ATP7B: variants seen among roughly 807,000 people sequenced by gnomAD.
ATP7B encodes copper-transporting ATPase 2.
In ATP7B, 113 loss-of-function variants were observed where a neutral mutation model predicts 118.9. That is an observed-to-expected ratio of 0.95 (90% CI 0.82 to 1.11). The LOEUF is 1.11. Among genes scored for constraint, ATP7B ranks in the 50% most tolerant of loss-of-function variants. The pLI, the probability that ATP7B is intolerant of heterozygous loss-of-function variation, is 0.00. For missense variants in ATP7B, 1,867 were observed against 1,871.4 expected (o/e 1.00, Z 0.04); for synonymous variants, 777 against 727.4 (o/e 1.07, Z -1.10).
At chr13:51,955,945 G>T (rs1025784102) in intron 9 of ATP7B, among the ~76,000 whole-genome samples, 3 of 152,170 alleles carry the variant, frequency 2.0e-5, no homozygotes, top group Non-Finnish European at 4.4e-5. Context: ...CAGCTCTGCT[G>T]CCTGCCTGCC....
At chr13:51,936,623 C>A (rs184180625) in intron 19 of ATP7B, among the ~76,000 whole-genome samples, 13 of 152,256 alleles carry the variant, frequency 8.5e-5, no homozygotes, top group African/African-American at 3.1e-4. Context: ...CTCCTGGGCT[C>A]AATAAATCCT....
intron 15 of ATP7B, among the ~76,000 whole-genome samples, chr13:51,941,803 G>A (rs1398265602): frequency 6.6e-6 from 1 of 152,132 alleles, no homozygotes; most frequent in Non-Finnish European, 1.5e-5. Context: ...GGAAGGTGGT[G>A]GATGGCTTCT....
intron 19 of ATP7B, 51 bp from the exon 20 acceptor site, chr13:51,935,746 G>A (rs1309234795): frequency 1.3e-6 from 2 of 1,536,046 alleles, no homozygotes; most frequent in South Asian, 1.2e-5. Flanking sequence ...AGAGGAGCCA[G>A]GAGAGGGCTT....
intron 1 of ATP7B, among the ~76,000 whole-genome samples, chr13:51,976,378 T>C (rs371680357): frequency 8.1e-4 from 124 of 152,242 alleles, no homozygotes; most frequent in Admixed American, 1.6e-3. Flanking sequence ...ATGCAGACTA[T>C]ATAAATGTTG....
chr13:51,939,004 A>G, intron 17 of ATP7B, 47 bp downstream of exon 17: 1 of 1,614,180 alleles, frequency 6.2e-7, no homozygotes, highest in Non-Finnish European at 8.5e-7. Context: ...TTTGTCTCTA[A>G]CTGCTTTTAT....
intron 1 of ATP7B, among the ~76,000 whole-genome samples, chr13:51,975,969 C>T (rs894745610): frequency 5.3e-5 from 8 of 152,232 alleles, no homozygotes; most frequent in Non-Finnish European, 1.2e-4. Context: ...GTAGTCATTA[C>T]CTGAAATTTC....
intron 10 of ATP7B, 53 bp from the exon 11 acceptor site, chr13:51,950,214 T>C: frequency 1.2e-6 from 2 of 1,614,218 alleles, no homozygotes; most frequent in African/African-American, 1.3e-5. Flanking sequence ...CCAGCACTCA[T>C]GTGACCTGAC....
chr13:51,949,410 C>A (rs1165859494), intron 12 of ATP7B, among the ~76,000 whole-genome samples: 3 of 152,128 alleles, frequency 2.0e-5, no homozygotes, highest in African/African-American at 7.2e-5. Context: ...TCAAGCATTA[C>A]AACTGAGCAC....
intron 4 of ATP7B, among the ~76,000 whole-genome samples, chr13:51,967,778 T>C (rs868171037): frequency 6.6e-6 from 1 of 152,242 alleles, no homozygotes; most frequent in Non-Finnish European, 1.5e-5. Context: ...AAGTCTCCCT[T>C]TGCTTACACA....
At chr13:51,969,261 A>G (rs1951725376) in intron 3 of ATP7B, among the ~76,000 whole-genome samples, 1 of 151,922 alleles carries the variant, frequency 6.6e-6, no homozygotes, top group Admixed American at 6.6e-5. Flanking sequence ...GTTAAAATAG[A>G]GCTTCTGACT....
intron 9 of ATP7B, among the ~76,000 whole-genome samples, chr13:51,956,848 G>T (rs1485067456): frequency 3.9e-5 from 6 of 152,170 alleles, no homozygotes; most frequent in African/African-American, 9.7e-5. Context: ...TAAAGGTTAA[G>T]AAAATAGACT....
At chr13:51,959,614 C>A in intron 7 of ATP7B, 1 of 162,196 alleles carries the variant, frequency 6.2e-6, no homozygotes, top group Non-Finnish European at 1.3e-5. Context: ...CCAAAATATA[C>A]ACATAGAGGG....
Position 51,938,946 on chromosome 13 carries a change from G to C in ATP7B, c.3699+105C>G, listed in dbSNP as rs1225087402. The C allele has an allele frequency of 2.6e-6, 4 of 1,553,926 alleles. No individual in the cohort carries two copies. The Admixed American group carries it at 5.0e-5, about 19-fold the overall frequency. The stretch of plus-strand genomic sequence containing the variant: ...GTGGAGAGAAAAGCATCCAGCAAGG[G>C]AGAAAGAGCAGGAGTACAGCTCAGT... On this transcript the variant is annotated intron_variant, in intron 17 of 20. Coordinates refer to ENST00000242839, the MANE Select transcript of ATP7B (RefSeq NM_000053.4).
intron 14 of ATP7B, 113 bp downstream of exon 14, chr13:51,943,996 G>T: frequency 7.3e-7 from 1 of 1,376,238 alleles, no homozygotes; most frequent in Non-Finnish European, 1.0e-6. Context: ...CCCTCTAAGT[G>T]GTTTTCCAGA....
At chr13:51,968,092 T>C (rs1340762592) in intron 4 of ATP7B, among the ~76,000 whole-genome samples, 1 of 152,172 alleles carries the variant, frequency 6.6e-6, no homozygotes, top group East Asian at 1.9e-4. Flanking sequence ...AGCTTCTTTT[T>C]AGGCTTGAAG....
At position 51,934,674 on chromosome 13, in the gene ATP7B, A is replaced by G; in HGVS notation, c.*82T>C. ...AGTCCCCAAAGCTGGAGGCTAGCTC[A>G]GCCCATCCTGCTGCTGGCTGTCCTG... On this transcript the variant is annotated 3_prime_UTR_variant, in exon 21 of 21. Coordinates refer to ENST00000242839, the MANE Select transcript of ATP7B (RefSeq NM_000053.4). The G allele has an allele frequency of 1.9e-6, 3 of 1,591,510 alleles. No individual in the cohort carries two copies. The highest frequency in any genetic ancestry group is 2.6e-6 in the Non-Finnish European group (3 of 1,169,988).
At chr13:51,989,636 A>T (rs1374379929) in intron 1 of ATP7B, among the ~76,000 whole-genome samples, 1 of 152,222 alleles carries the variant, frequency 6.6e-6, no homozygotes, top group Non-Finnish European at 1.5e-5. Flanking sequence ...AAATTTAGAA[A>T]TTCACAAACT....
intron 14 of ATP7B, among the ~76,000 whole-genome samples, chr13:51,942,865 GA>G (rs1040897323): frequency 1.3e-5 from 2 of 152,156 alleles, no homozygotes; most frequent in African/African-American, 4.8e-5. Flanking sequence ...GACTGGAAAG[GA>G]AAAAGGCAAC....
chr13:51,951,823 A>C (rs899034161), intron 9 of ATP7B, among the ~76,000 whole-genome samples: 1 of 152,220 alleles, frequency 6.6e-6, no homozygotes, highest in African/African-American at 2.4e-5. Context: ...AGTGACTGTG[A>C]GTTACACATT....
Sources: allele counts gnomAD v4.1 joint callset (sites outside exome capture counted in the v4.1 genomes callset), GRCh38; gene constraint gnomAD v4.1.1; transcripts MANE v1.5; gene names NCBI Gene and HGNC (gene_info 2026-07-23, HGNC 2026-07-21).